BLM: variants seen among roughly 807,000 people sequenced by gnomAD.
The protein encoded by BLM is BLM RecQ like helicase.
A neutral mutation model predicts 135.3 loss-of-function variants in BLM; 95 were observed. The ratio of observed to expected loss-of-function variants is 0.70; its 90% CI spans 0.59 to 0.83. The LOEUF (loss-of-function observed/expected upper bound fraction) is 0.83, where lower values mean the gene tolerates loss of function less well. Among genes scored for constraint, BLM ranks in the 40% least tolerant of loss-of-function variants. The pLI, the probability that BLM is intolerant of heterozygous loss-of-function variation, is 0.00. For missense variants in BLM, 1,518 were observed against 1,663.9 expected (o/e 0.91, Z 1.53); for synonymous variants, 520 against 589.2 (o/e 0.88, Z 1.70).
chr15:90,781,309 G>A (rs1268198737), intron 12 of BLM, among the ~76,000 whole-genome samples: 1 of 152,100 alleles, frequency 6.6e-6, no homozygotes, highest in Non-Finnish European at 1.5e-5. Context: ...GAAGAAGAAC[G>A]ATTGTCTTGG....
chr15:90,764,037 A>G (rs1896056122), intron 8 of BLM, among the ~76,000 whole-genome samples: 1 of 152,022 alleles, frequency 6.6e-6, no homozygotes, highest in Non-Finnish European at 1.5e-5. Context: ...TTCAATTTTT[A>G]TTAATTTATT....
At chr15:90,814,260 G>C (rs1292191850) in intron 21 of BLM, among the ~76,000 whole-genome samples, 2 of 152,220 alleles carry the variant, frequency 1.3e-5, no homozygotes, top group African/African-American at 4.8e-5. Flanking sequence ...CCTGACATCA[G>C]CCGGTTACAG....
chr15:90,724,137 C>A (rs187403116), intron 1 of BLM, among the ~76,000 whole-genome samples: 1 of 151,940 alleles, frequency 6.6e-6, no homozygotes, highest in South Asian at 2.1e-4. Context: ...CTCAGCCTCC[C>A]GAGAAGGTGA....
chr15:90,735,202 G>A (rs1441613815), intron 1 of BLM, among the ~76,000 whole-genome samples: 3 of 137,066 alleles, frequency 2.2e-5, no homozygotes, highest in African/African-American at 8.2e-5. Context: ...TTTGTTCTAG[G>A]ACAGGACAAC....
chr15:90,786,715 A>G (rs1423480569), intron 14 of BLM, among the ~76,000 whole-genome samples: 1 of 151,700 alleles, frequency 6.6e-6, no homozygotes, highest in Non-Finnish European at 1.5e-5. Flanking sequence ...TCCTGGTTCA[A>G]GCAATTCTCC....
At chr15:90,800,639 C>T (rs914445307) in intron 17 of BLM, among the ~76,000 whole-genome samples, 3 of 151,592 alleles carry the variant, frequency 2.0e-5, no homozygotes, top group African/African-American at 7.3e-5. Flanking sequence ...AAGATCGTGC[C>T]ATTGCACTCC....
chr15:90,731,262 C>G (rs1479543929), intron 1 of BLM, among the ~76,000 whole-genome samples: 1 of 152,074 alleles, frequency 6.6e-6, no homozygotes, highest in African/African-American at 2.4e-5. Flanking sequence ...TTATACATGG[C>G]TAGATTTACT....
chr15:90,808,579 C>G (rs1415937985), intron 19 of BLM, among the ~76,000 whole-genome samples: 2 of 152,242 alleles, frequency 1.3e-5, no homozygotes. Flanking sequence ...TGTCTAGCTG[C>G]AAGACTGATA....
At position 90,798,183 on chromosome 15, in the gene BLM, T is replaced by C; in HGVS notation, c.3211-7T>C. The stretch of plus-strand genomic sequence containing the variant: ...TATAGCAGAAAGTATTCTCTTTTTA[T>C]TCATAGGATTATAAAACAAGAGATG... On this transcript the variant is annotated splice_polypyrimidine_tract_variant and splice_region_variant and intron_variant, in intron 16 of 21. Transcript: ENST00000355112. The C allele has an allele frequency of 6.3e-7, 1 of 1,596,702 alleles. No homozygotes were observed. Among genetic ancestry groups the C allele is most frequent in the South Asian group, 1.1e-5 (1 of 90,334 alleles).
intron 1 of BLM, among the ~76,000 whole-genome samples, chr15:90,724,283 G>A (rs1894849564): frequency 6.6e-6 from 1 of 152,102 alleles, no homozygotes; most frequent in Non-Finnish European, 1.5e-5. Flanking sequence ...AAAGTGCTGG[G>A]ATTACAAGCA....
chr15:90,760,273 A>T lies in BLM; in HGVS notation c.1214A>T (p.Asn405Ile), dbSNP rs752223894. 8.1e-6 allele frequency: 13 copies of T among 1,614,118 alleles called. No individual in the cohort carries two copies. The highest frequency in any genetic ancestry group is 1.1e-5 in the Non-Finnish European group (13 of 1,180,014). Reference protein sequence around the residue: ...DCGNELLQQRNIRRKLLTEVD... With the variant: ...DCGNELLQQRIIRRKLLTEVD... The stretch of plus-strand genomic sequence containing the variant: ...GGGAACGAACTGCTTCAGCAGCGGA[A>T]CATAAGGTATCTTAATTTTCCCCCT... The change falls in exon 6 of 22, where the codon AAC (asparagine) becomes ATC (isoleucine). Residue 405 changes from asparagine to isoleucine, a missense_variant. Physicochemically the swap from Asn to Ile is moderately radical, Grantham distance 149. Coordinates refer to ENST00000355112, the MANE Select transcript of BLM (RefSeq NM_000057.4).
chr15:90,806,793 C>T (rs1897295625), intron 19 of BLM, among the ~76,000 whole-genome samples: 1 of 152,126 alleles, frequency 6.6e-6, no homozygotes, highest in South Asian at 2.1e-4. Context: ...TCTTCATTCC[C>T]TCTCCTACGA....
At chr15:90,763,515 G>A (rs1896042123) in intron 8 of BLM, among the ~76,000 whole-genome samples, 1 of 152,154 alleles carries the variant, frequency 6.6e-6, no homozygotes, top group African/African-American at 2.4e-5. Flanking sequence ...ATCTGGTGTT[G>A]CATAGTGGTT....
At chr15:90,762,648 A>G (rs1031769927) in intron 7 of BLM, among the ~76,000 whole-genome samples, 2 of 152,130 alleles carry the variant, frequency 1.3e-5, no homozygotes, top group African/African-American at 4.8e-5. Context: ...TGGAGGTAGT[A>G]GAGCCAGGAA....
intron 1 of BLM, among the ~76,000 whole-genome samples, chr15:90,739,526 T>G (rs1366889955): frequency 6.6e-6 from 1 of 152,198 alleles, no homozygotes; most frequent in East Asian, 1.9e-4. Flanking sequence ...CAGCGAGCTC[T>G]GCACACAGGA....
At chr15:90,814,975 G>A (rs1897519162) in intron 21 of BLM, 127 bp from the exon 22 acceptor site, 1 of 922,530 alleles carries the variant, frequency 1.1e-6, no homozygotes, top group Non-Finnish European at 1.7e-6. Flanking sequence ...GGGGCTCGTA[G>A]GCAGAAAATG....
In BLM at chr15:90,759,870, G is replaced by A. The variant is rs187622546; in HGVS notation, c.1088-277G>A. The A allele has an allele frequency of 3.9e-3, 1,319 of 337,110 alleles. 13 individuals carry two copies. Among genetic ancestry groups the A allele is most frequent in the African/African-American group, 0.027 (1,195 of 44,624 alleles). 20.9% of individuals were successfully genotyped at this position (337,110 alleles called of 1,614,324 possible). On this transcript the variant is annotated intron_variant, in intron 5 of 21. Transcript: ENST00000355112. ...GATCTACCCTTCTTGGCCTCCCAAA[G>A]TGTTGGGATTACAGGCGTGAGCCAC...
intron 7 of BLM, among the ~76,000 whole-genome samples, chr15:90,761,727 T>C (rs1895992797): frequency 6.6e-6 from 1 of 151,970 alleles, no homozygotes; most frequent in Non-Finnish European, 1.5e-5. Flanking sequence ...AAGTCAGGAG[T>C]GTCTTAAATC....
chr15:90,734,292 C>CTT (rs57619459), intron 1 of BLM, among the ~76,000 whole-genome samples: 1 of 144,770 alleles, frequency 6.9e-6, no homozygotes. Context: ...ATCAATACTT[C>CTT]TTTTTTTTTT....
Sources: allele counts gnomAD v4.1 joint callset (sites outside exome capture counted in the v4.1 genomes callset), GRCh38; gene constraint gnomAD v4.1.1; transcripts MANE v1.5; gene names NCBI Gene and HGNC (gene_info 2026-07-23, HGNC 2026-07-21).